The following QTMAN variants were observed in gnomAD, a reference collection of about 807,000 sequenced individuals.
QTMAN encodes the protein tRNA-queuosine alpha-mannosyltransferase.
chr2:144,072,803 T>C, the QTMAN span, among the ~76,000 whole-genome samples: 1 of 152,198 alleles, frequency 6.6e-6, no homozygotes. Flanking sequence ...TTCTAGAAAA[T>C]ACTTTCGTAG....
At chr2:144,151,483 G>T in the QTMAN span, among the ~76,000 whole-genome samples, 1 of 152,130 alleles carries the variant, frequency 6.6e-6, no homozygotes, top group East Asian at 1.9e-4. Flanking sequence ...AGTGGAAGAA[G>T]ACAGCAAGAA....
chr2:143,950,619 C>T, the QTMAN span, among the ~76,000 whole-genome samples: 1 of 151,706 alleles, frequency 6.6e-6, no homozygotes, highest in South Asian at 2.1e-4. Flanking sequence ...CTGAAAATAG[C>T]TTTGTGTCAT....
the QTMAN span, chr2:144,141,807 T>G: frequency 8.8e-7 from 1 of 1,131,190 alleles, no homozygotes; most frequent in Middle Eastern, 2.1e-4. Flanking sequence ...AAAACTGGCA[T>G]GAAGAACATC....
At chr2:144,019,436 GT>G in the QTMAN span, among the ~76,000 whole-genome samples, 112 of 4,818 alleles carry the variant, frequency 0.023, no homozygotes, top group Admixed American at 0.039. Flanking sequence ...AAGCATGCAG[GT>G]GTGTGTGTGT....
chr2:144,278,164 A>G, the QTMAN span, among the ~76,000 whole-genome samples: 2 of 152,180 alleles, frequency 1.3e-5, no homozygotes, highest in Admixed American at 1.3e-4. Flanking sequence ...ACTTAGTAAG[A>G]CAGCTGAAAA....
the QTMAN span, among the ~76,000 whole-genome samples, chr2:143,992,123 C>T: frequency 5.3e-5 from 8 of 152,054 alleles, no homozygotes; most frequent in South Asian, 4.2e-4. Context: ...ATTGAGAAAT[C>T]GGATGGTTGC....
the QTMAN span, among the ~76,000 whole-genome samples, chr2:143,994,839 C>CTA: frequency 1.3e-5 from 2 of 152,054 alleles, no homozygotes; most frequent in African/African-American, 4.8e-5. Flanking sequence ...TGTAAATTTA[C>CTA]TAAAAATCGC....
the QTMAN span, among the ~76,000 whole-genome samples, chr2:144,210,540 A>C: frequency 1.3e-5 from 2 of 152,162 alleles, no homozygotes; most frequent in Admixed American, 6.5e-5. Context: ...AGTAGCTTGC[A>C]TTTTAAACAT....
chr2:144,247,111 T>G, the QTMAN span, among the ~76,000 whole-genome samples: 2 of 151,952 alleles, frequency 1.3e-5, no homozygotes, highest in Non-Finnish European at 2.9e-5. Flanking sequence ...CACTATGAGA[T>G]CCAAGAAAAG....
At chr2:144,187,366 C>A in the QTMAN span, among the ~76,000 whole-genome samples, 1 of 152,174 alleles carries the variant, frequency 6.6e-6, no homozygotes, top group African/African-American at 2.4e-5. Context: ...CCTGCTCTTT[C>A]CAAAACTAAT....
At chr2:144,208,844 T>G in the QTMAN span, 1 of 1,170,074 alleles carries the variant, frequency 8.5e-7, no homozygotes, top group Non-Finnish European at 1.2e-6. Flanking sequence ...TTCCATTACA[T>G]ACATGTATAA....
the QTMAN span, chr2:144,235,684 C>G: frequency 6.6e-6 from 1 of 152,526 alleles, no homozygotes; most frequent in Non-Finnish European, 1.5e-5. Flanking sequence ...ACCTGATGAT[C>G]CAGATATACT....
the QTMAN span, chr2:143,957,378 T>C: frequency 3.0e-6 from 4 of 1,346,742 alleles, no homozygotes; most frequent in East Asian, 5.1e-5. Flanking sequence ...CTATTTAATA[T>C]AGTGTAAAAT....
At chr2:144,031,469 C>T in the QTMAN span, among the ~76,000 whole-genome samples, 4 of 152,164 alleles carry the variant, frequency 2.6e-5, no homozygotes, top group East Asian at 7.7e-4. Flanking sequence ...GAAAGAATGT[C>T]CCTAATTTGC....
At chr2:144,199,249 A>C in the QTMAN span, among the ~76,000 whole-genome samples, 1 of 152,042 alleles carries the variant, frequency 6.6e-6, no homozygotes, top group African/African-American at 2.4e-5. Flanking sequence ...GGGTTTCACC[A>C]TGTTGGCCAG....
At chr2:144,119,692 A>C in the QTMAN span, among the ~76,000 whole-genome samples, 1 of 152,222 alleles carries the variant, frequency 6.6e-6, no homozygotes, top group Non-Finnish European at 1.5e-5. Flanking sequence ...AAAATAAGAC[A>C]GAGTACCTGC....
chr2:144,150,429 C>T, the QTMAN span, among the ~76,000 whole-genome samples: 5 of 152,136 alleles, frequency 3.3e-5, no homozygotes, highest in Non-Finnish European at 7.4e-5. Context: ...ATATGACTAG[C>T]TACATATGGC....
chr2:144,189,305 A>G, the QTMAN span, among the ~76,000 whole-genome samples: 2 of 152,246 alleles, frequency 1.3e-5, no homozygotes, highest in South Asian at 2.1e-4. Flanking sequence ...GTATTTAAAT[A>G]TAAATACTGA....
At chr2:144,242,549 A>G in the QTMAN span, among the ~76,000 whole-genome samples, 1 of 152,264 alleles carries the variant, frequency 6.6e-6, no homozygotes, top group Non-Finnish European at 1.5e-5. Flanking sequence ...TTTATGCAAC[A>G]TTAACATAAA....
Sources: allele counts gnomAD v4.1 joint callset (sites outside exome capture counted in the v4.1 genomes callset), GRCh38; gene constraint gnomAD v4.1.1; transcripts MANE v1.5; gene names NCBI Gene and HGNC (gene_info 2026-07-23, HGNC 2026-07-21).